Variants in JHY observed in about 807,000 individuals in gnomAD.
JHY encodes the protein junctional cadherin complex regulator.
In JHY, 69 loss-of-function variants were observed where a neutral mutation model predicts 78.0. The observed-to-expected ratio is 0.88, with a 90% CI of 0.73 to 1.08. The LOEUF (loss-of-function observed/expected upper bound fraction) is 1.08. Among genes scored for constraint, JHY ranks in the 50% least tolerant of loss-of-function variants. The probability of loss-of-function intolerance (pLI) is 0.00; values close to 1 mark genes in which losing one functional copy is unlikely to be tolerated. For missense variants in JHY, 944 were observed against 927.8 expected (o/e 1.02, Z -0.23); for synonymous variants, 368 against 342.6 (o/e 1.07, Z -0.82).
chr11:122,923,607 A>G (rs1382780778), intron 3 of JHY, among the ~76,000 whole-genome samples: 1 of 152,230 alleles, frequency 6.6e-6, no homozygotes, highest in African/African-American at 2.4e-5. Context: ...AAGGGCCCTT[A>G]AATAACTTAG....
At chr11:122,948,948 G>T (rs1864026347) in intron 6 of JHY, among the ~76,000 whole-genome samples, 1 of 152,132 alleles carries the variant, frequency 6.6e-6, no homozygotes, top group Non-Finnish European at 1.5e-5. Context: ...ACCGGATGTG[G>T]TGGCAGGTGC....
intron 2 of JHY, among the ~76,000 whole-genome samples, chr11:122,889,242 C>T (rs1025174024): frequency 6.6e-6 from 1 of 152,242 alleles, no homozygotes; most frequent in Non-Finnish European, 1.5e-5. Context: ...TGGATTTAGA[C>T]ATCCTCTTTG....
At chr11:122,893,580 CT>C (rs1862671406) in intron 2 of JHY, among the ~76,000 whole-genome samples, 1 of 152,152 alleles carries the variant, frequency 6.6e-6, no homozygotes. Flanking sequence ...ACCTACAACG[CT>C]GTGAGTTTAT....
At position 122,886,301 on chromosome 11, in the gene JHY, C is replaced by G. The variant is rs1021895365; in HGVS notation, c.344+108C>G. On this transcript the variant is annotated intron_variant, in intron 2 of 8. Transcript: ENST00000227349. ...AAGGGCAAGCTGCCCTAATGAGCGCCGTGTGTGAGACAGGTCTCCAAGCAG... is the reference window on the plus strand; with the variant it reads ...AAGGGCAAGCTGCCCTAATGAGCGCGGTGTGTGAGACAGGTCTCCAAGCAG... 10 of 1,046,030 alleles carry G rather than the reference C, an allele frequency of 9.6e-6. No homozygotes were observed. The African/African-American group carries it at 1.6e-4, about 17-fold the overall frequency. 64.8% of individuals were successfully genotyped at this position (1,046,030 alleles called of 1,614,324 possible).
Position 122,959,478 on chromosome 11 carries a change from T to C in JHY, c.*33T>C. 6.3e-7 allele frequency: 1 copy of C among 1,598,328 alleles called. No homozygotes were observed. Among genetic ancestry groups the C allele is most frequent in the African/African-American group, 1.3e-5 (1 of 74,422 alleles). ...TTGATAGGAAGGAGACCAAAAATGGTCCAGGAATGAACGTGGAGAAAAGAA... is the reference window on the plus strand; with the variant it reads ...TTGATAGGAAGGAGACCAAAAATGGCCCAGGAATGAACGTGGAGAAAAGAA... On this transcript the variant is annotated 3_prime_UTR_variant, in exon 9 of 9. Transcript: ENST00000227349.
chr11:122,902,064 CCTT>C (rs1439996455), intron 2 of JHY, among the ~76,000 whole-genome samples: 1 of 148,284 alleles, frequency 6.7e-6, no homozygotes, highest in Non-Finnish European at 1.5e-5. Context: ...GATAACAAGG[CCTT>C]CTTCTGGAAT....
intron 2 of JHY, among the ~76,000 whole-genome samples, chr11:122,886,469 C>T (rs11218880): frequency 0.42 from 63,337 of 152,026 alleles, 15,839 homozygotes; most frequent in Middle Eastern, 0.59. Flanking sequence ...ACTAGGACCT[C>T]ACCTGGGAGA....
intron 5 of JHY, among the ~76,000 whole-genome samples, chr11:122,937,332 C>G (rs183918942): frequency 7.3e-5 from 11 of 151,072 alleles, no homozygotes; most frequent in Admixed American, 2.6e-4. Flanking sequence ...ATTGATCCTA[C>G]GCTTATGAGT....
At chr11:122,959,223 T>C in intron 8 of JHY, 25 bp from the exon 9 acceptor site, 1 of 1,590,412 alleles carries the variant, frequency 6.3e-7, no homozygotes, top group Non-Finnish European at 8.5e-7. Flanking sequence ...CCATTTCAAA[T>C]AAAATTTCAT....
chr11:122,955,236 T>C (rs902327336), intron 6 of JHY, among the ~76,000 whole-genome samples: 1 of 152,102 alleles, frequency 6.6e-6, no homozygotes, highest in Non-Finnish European at 1.5e-5. Flanking sequence ...TTCTCCTGCC[T>C]CAGCCCCCCG....
chr11:122,926,187 C>CAAAAAAAAAAAAAA (rs574945272), intron 4 of JHY, among the ~76,000 whole-genome samples: 1 of 40,026 alleles, frequency 2.5e-5, no homozygotes, highest in Admixed American at 3.0e-4. Context: ...GACTCCATCT[C>CAAAAAAAAAAAAAA]AAAAAAAAAA....
At chr11:122,905,583 C>T (rs927262390) in intron 3 of JHY, 6 of 1,011,780 alleles carry the variant, frequency 5.9e-6, no homozygotes, top group East Asian at 9.3e-5. Context: ...TAAAGAATTA[C>T]GTCTGGTGGC....
intron 4 of JHY, among the ~76,000 whole-genome samples, chr11:122,927,643 G>A (rs1440854918): frequency 6.6e-6 from 1 of 152,068 alleles, no homozygotes; most frequent in African/African-American, 2.4e-5. Context: ...TGCTGTGTCT[G>A]TAGTCTGGGC....
At chr11:122,939,517 CCCCATTTTGT>C (rs1565331916) in intron 5 of JHY, among the ~76,000 whole-genome samples, 1 of 152,094 alleles carries the variant, frequency 6.6e-6, no homozygotes, top group East Asian at 1.9e-4. Context: ...GCTCTTTTCC[CCCCATTTTGT>C]TCTCTTTATC....
rs1864268000 is a variant in JHY at position 122,959,565 on chromosome 11, A to G, written c.*120A>G. 2 of 993,378 alleles carry G rather than the reference A, an allele frequency of 2.0e-6. No individual in the cohort carries two copies. The highest frequency in any genetic ancestry group is 1.7e-5 in the South Asian group (1 of 57,146). The allele number at this position is 993,378 out of a possible 1,614,324, so 61.5% of individuals were successfully genotyped here. On this transcript the variant is annotated 3_prime_UTR_variant, in exon 9 of 9. Transcript: ENST00000227349. ...TATTATTATCATCTATCTGCCGTCC[A>G]TGTTTGCTTTCTGCAGGATTTAAAA...
intron 2 of JHY, among the ~76,000 whole-genome samples, chr11:122,886,636 T>G (rs1285883281): frequency 6.6e-6 from 1 of 152,156 alleles, no homozygotes; most frequent in East Asian, 1.9e-4. Context: ...ACAATAGAGA[T>G]GGGAGCTCAT....
intron 3 of JHY, among the ~76,000 whole-genome samples, chr11:122,923,105 A>G (rs1348137963): frequency 6.6e-6 from 1 of 152,216 alleles, no homozygotes; most frequent in Non-Finnish European, 1.5e-5. Flanking sequence ...CGGTCCTCTA[A>G]ATAAGAGCAG....
At position 122,961,230 on chromosome 11, in the gene JHY, CT is replaced by C; in HGVS notation, c.*1786del. The C allele has an allele frequency of 2.3e-6, 1 of 441,122 alleles. No individual in the cohort carries two copies. Among genetic ancestry groups the C allele is most frequent in the Non-Finnish European group, 4.3e-6 (1 of 233,556 alleles). The allele number at this position is 441,122 out of a possible 1,614,324, so 27.3% of individuals were successfully genotyped here. ...AAAAATGAAACATTTGTTCCCTATACTGAGAGAACTCAATCTATTGGCCAAT... is the reference window on the plus strand; with the variant it reads ...AAAAATGAAACATTTGTTCCCTATACGAGAGAACTCAATCTATTGGCCAAT... On this transcript the variant is annotated 3_prime_UTR_variant, in exon 9 of 9. Coordinates refer to ENST00000227349, the MANE Select transcript of JHY (RefSeq NM_024806.4).
intron 6 of JHY, among the ~76,000 whole-genome samples, chr11:122,955,964 G>A (rs979116111): frequency 4.6e-5 from 7 of 152,082 alleles, no homozygotes; most frequent in Non-Finnish European, 7.4e-5. Context: ...GGACAAAATG[G>A]TAATAGGAAC....
Sources: gnomAD v4.1 joint callset for allele counts (sites outside exome capture counted in the v4.1 genomes callset) on GRCh38, gnomAD v4.1.1 for gene constraint, MANE v1.5 for transcripts, NCBI Gene and HGNC (gene_info 2026-07-23, HGNC 2026-07-21) for gene names.